Variants in KCNH7 observed in about 807,000 individuals in gnomAD.
KCNH7 encodes potassium voltage-gated channel subfamily H member 7, also known as voltage-gated inwardly rectifying potassium channel KCNH7.
KCNH7 carries 49 observed loss-of-function variants against 120.8 expected under a neutral mutation model. The observed-to-expected ratio is 0.41, with a 90% CI of 0.32 to 0.51. The LOEUF (loss-of-function observed/expected upper bound fraction) is 0.51. Ranked by LOEUF, KCNH7 falls within the 20% of genes least tolerant of loss-of-function variation. The probability of loss-of-function intolerance (pLI) is 0.38; values close to 1 mark genes in which losing one functional copy is unlikely to be tolerated. For missense variants in KCNH7, 1,097 were observed against 1,446.6 expected (o/e 0.76, Z 3.92); for synonymous variants, 547 against 516.1 (o/e 1.06, Z -0.81).
At chr2:162,496,831 G>T (rs1242183707) in intron 6 of KCNH7, 1 of 152,038 alleles carries the variant, frequency 6.6e-6, no homozygotes, top group Non-Finnish European at 1.5e-5. Context: ...TTTGTTTGTT[G>T]TTGTATCTGA....
intron 6 of KCNH7, among the ~76,000 whole-genome samples, chr2:162,485,543 C>G (rs1690067000): frequency 1.3e-5 from 2 of 152,162 alleles, no homozygotes; most frequent in South Asian, 4.1e-4. Flanking sequence ...ACGTCAGAAA[C>G]TCTTCATTCA....
chr2:162,429,381 G>GTTTTTTTTTTTTTTTTTTT (rs1158431426), intron 8 of KCNH7, among the ~76,000 whole-genome samples: 1 of 43,424 alleles, frequency 2.3e-5, no homozygotes, highest in African/African-American at 1.4e-4. Flanking sequence ...TGAGGAAAAA[G>GTTTTTTTTTTTTTTTTTTT]TCTTTTTTTT....
At chr2:162,416,467 T>G (rs986078003) in intron 9 of KCNH7, among the ~76,000 whole-genome samples, 1 of 152,100 alleles carries the variant, frequency 6.6e-6, no homozygotes, top group African/African-American at 2.4e-5. Context: ...AAACACATTT[T>G]CCTAGCACTC....
At chr2:162,606,092 G>A (rs1682752910) in intron 2 of KCNH7, among the ~76,000 whole-genome samples, 1 of 151,874 alleles carries the variant, frequency 6.6e-6, no homozygotes, top group Non-Finnish European at 1.5e-5. Context: ...TTATTGTTTG[G>A]ATAGATTTTA....
chr2:162,780,872 G>T (rs1414584233), intron 2 of KCNH7, among the ~76,000 whole-genome samples: 1 of 152,046 alleles, frequency 6.6e-6, no homozygotes, highest in Non-Finnish European at 1.5e-5. Flanking sequence ...CCCTTTTAAG[G>T]TTGGAACAGC....
At chr2:162,659,717 A>G (rs1458826386) in intron 2 of KCNH7, among the ~76,000 whole-genome samples, 1 of 152,156 alleles carries the variant, frequency 6.6e-6, no homozygotes, top group Non-Finnish European at 1.5e-5. Flanking sequence ...TTTTTTATCT[A>G]TATTCATAAA....
chr2:162,407,190 T>C (rs565365319), intron 9 of KCNH7, among the ~76,000 whole-genome samples: 56 of 152,140 alleles, frequency 3.7e-4, no homozygotes, highest in Non-Finnish European at 7.2e-4. Context: ...AATTTCTTCA[T>C]GTAGCTTTTC....
chr2:162,555,280 C>G (rs184230809), intron 2 of KCNH7, among the ~76,000 whole-genome samples: 1 of 152,294 alleles, frequency 6.6e-6, no homozygotes, highest in East Asian at 1.9e-4. Context: ...TCAAGACAAA[C>G]CTCTCTACCA....
chr2:162,665,807 AG>A (rs1445008003), intron 2 of KCNH7, among the ~76,000 whole-genome samples: 5 of 152,118 alleles, frequency 3.3e-5, no homozygotes, highest in African/African-American at 1.2e-4. Flanking sequence ...TAAACTATGC[AG>A]GGAGTCATCT....
At chr2:162,486,857 G>A (rs1384440198) in intron 6 of KCNH7, among the ~76,000 whole-genome samples, 2 of 152,148 alleles carry the variant, frequency 1.3e-5, no homozygotes, top group African/African-American at 2.4e-5. Context: ...GTAAATCAAT[G>A]TTTTATAGAC....
At chr2:162,659,234 CT>C (rs1275909467) in intron 2 of KCNH7, among the ~76,000 whole-genome samples, 1 of 151,350 alleles carries the variant, frequency 6.6e-6, no homozygotes, top group Non-Finnish European at 1.5e-5. Flanking sequence ...TTTAACTTTT[CT>C]TTTTTAGCTT....
At chr2:162,683,161 T>G (rs1230345870) in intron 2 of KCNH7, among the ~76,000 whole-genome samples, 1 of 151,856 alleles carries the variant, frequency 6.6e-6, no homozygotes, top group African/African-American at 2.4e-5. Context: ...GAGAAGGTGA[T>G]GATGTCTATT....
chr2:162,645,363 A>G (rs550659309), intron 2 of KCNH7, among the ~76,000 whole-genome samples: 1 of 152,098 alleles, frequency 6.6e-6, no homozygotes, highest in South Asian at 2.1e-4. Flanking sequence ...GGCCAGGATG[A>G]TCTCCATCTT....
At position 162,624,926 on chromosome 2, in the gene KCNH7, T is replaced by C. The variant is rs1683499296; in HGVS notation, c.308-87846A>G. 2.1e-5 allele frequency among the ~76,000 whole-genome samples: 3 copies of C among 141,520 alleles called. No individual in the cohort carries two copies. The Admixed American group carries it at 2.2e-4, about 10-fold the overall frequency. The allele number at this position is 141,520 out of a possible 152,430, so 92.8% of individuals were successfully genotyped here. On this transcript the variant is annotated intron_variant, in intron 2 of 15. Transcript: ENST00000332142. ...TTTTTTTTTTTTTTGAGATGGAGTT[T>C]CGCTCTTGTTGCCCAAGCAGGAGGG...
At chr2:162,713,482 A>G (rs1390110089) in intron 2 of KCNH7, among the ~76,000 whole-genome samples, 1 of 152,172 alleles carries the variant, frequency 6.6e-6, no homozygotes, top group African/African-American at 2.4e-5. Flanking sequence ...CTTGATTATG[A>G]AGAATTACAT....
At chr2:162,388,112 A>T (rs1440214235) in intron 12 of KCNH7, among the ~76,000 whole-genome samples, 2 of 151,834 alleles carry the variant, frequency 1.3e-5, no homozygotes, top group Non-Finnish European at 2.9e-5. Flanking sequence ...CACATACTTT[A>T]GGCCTCCTAT....
chr2:162,685,904 T>C (rs1685872679), intron 2 of KCNH7, among the ~76,000 whole-genome samples: 1 of 152,058 alleles, frequency 6.6e-6, no homozygotes, highest in African/African-American at 2.4e-5. Context: ...TGATTGATTG[T>C]TACTCAGTCA....
intron 2 of KCNH7, among the ~76,000 whole-genome samples, chr2:162,684,352 A>G (rs1400165005): frequency 1.3e-5 from 2 of 152,194 alleles, no homozygotes; most frequent in African/African-American, 4.8e-5. Context: ...GACGAATGAC[A>G]TCTAATTAAA....
At chr2:162,421,732 T>C (rs929878981) in intron 9 of KCNH7, among the ~76,000 whole-genome samples, 4 of 152,120 alleles carry the variant, frequency 2.6e-5, no homozygotes, top group Admixed American at 2.6e-4. Flanking sequence ...ACCATATTCA[T>C]AGGTAATAGA....
Sources: gnomAD v4.1 joint callset for allele counts (sites outside exome capture counted in the v4.1 genomes callset) on GRCh38, gnomAD v4.1.1 for gene constraint, MANE v1.5 for transcripts, NCBI Gene and HGNC (gene_info 2026-07-23, HGNC 2026-07-21) for gene names.